TMEM117: variants seen among roughly 807,000 people sequenced by gnomAD.
TMEM117 encodes the protein transmembrane protein 117.
TMEM117 carries 27 observed loss-of-function variants against 52.4 expected under a neutral mutation model. That is an observed-to-expected ratio of 0.51 (90% CI 0.38 to 0.71). The LOEUF is 0.71. Among genes scored for constraint, TMEM117 ranks in the 30% least tolerant of loss-of-function variants. The pLI is 0.00. For synonymous variants in TMEM117, 215 were observed against 206.3 expected (o/e 1.04, Z -0.36); for missense variants, 556 against 630.5 (o/e 0.88, Z 1.26).
chr12:43,973,000 C>A (rs1162431074), intron 3 of TMEM117, among the ~76,000 whole-genome samples: 1 of 152,164 alleles, frequency 6.6e-6, no homozygotes, highest in African/African-American at 2.4e-5. Flanking sequence ...ATATTTCCTA[C>A]CTAGTTGTTA....
At chr12:43,814,446 T>C in the TMEM117 span, among the ~76,000 whole-genome samples, 1 of 152,164 alleles carries the variant, frequency 6.6e-6, no homozygotes, top group Admixed American at 6.6e-5. Context: ...CTAGATGTTA[T>C]CTCACCTAAC....
intron 6 of TMEM117, among the ~76,000 whole-genome samples, chr12:44,317,066 A>G (rs1198587243): frequency 7.0e-6 from 1 of 142,962 alleles, no homozygotes; most frequent in African/African-American, 2.6e-5. Flanking sequence ...TTGCAATCCA[A>G]GCTTTGCATT....
intron 6 of TMEM117, among the ~76,000 whole-genome samples, chr12:44,311,686 A>T (rs1472506171): frequency 1.3e-5 from 2 of 148,968 alleles, no homozygotes; most frequent in Non-Finnish European, 3.0e-5. Flanking sequence ...ATCCAGCTTC[A>T]GCTTCCCAAT....
chr12:44,176,569 A>AT (rs1407620830), intron 4 of TMEM117, among the ~76,000 whole-genome samples: 1 of 152,076 alleles, frequency 6.6e-6, no homozygotes, highest in Non-Finnish European at 1.5e-5. Flanking sequence ...CCAGATAACT[A>AT]TTTTTTTGCC....
intron 3 of TMEM117, among the ~76,000 whole-genome samples, chr12:44,091,562 G>A (rs754643828): frequency 7.9e-5 from 12 of 152,110 alleles, no homozygotes; most frequent in Non-Finnish European, 1.5e-4. Context: ...TATTTACAGC[G>A]TGCCACTAAG....
At chr12:44,045,566 G>A (rs73089739) in intron 3 of TMEM117, among the ~76,000 whole-genome samples, 14,286 of 152,100 alleles carry the variant, frequency 0.094, 1,086 homozygotes, top group African/African-American at 0.2. Context: ...AGCAGTGGCC[G>A]GGCACAGTGA....
chr12:43,948,391 T>G (rs1244283031), intron 3 of TMEM117, among the ~76,000 whole-genome samples: 1 of 151,946 alleles, frequency 6.6e-6, no homozygotes, highest in African/African-American at 2.4e-5. Context: ...CTGCAAGCTC[T>G]GCCTCCTGGG....
chr12:44,332,712 TACACACACACACAC>T (rs34633299), intron 6 of TMEM117, among the ~76,000 whole-genome samples: 1,888 of 143,232 alleles, frequency 0.013, 24 homozygotes, highest in South Asian at 0.049. Context: ...CTACTGTTAC[TACACACACACACAC>T]ACACACACAC....
At chr12:43,917,693 C>G (rs1331061354) in intron 2 of TMEM117, among the ~76,000 whole-genome samples, 1 of 152,070 alleles carries the variant, frequency 6.6e-6, no homozygotes, top group African/African-American at 2.4e-5. Flanking sequence ...ATAATTCTTA[C>G]CTGAATTTTC....
At chr12:44,103,152 T>G (rs1947892187) in intron 3 of TMEM117, among the ~76,000 whole-genome samples, 1 of 152,000 alleles carries the variant, frequency 6.6e-6, no homozygotes, top group Non-Finnish European at 1.5e-5. Context: ...GAGAGAGGCA[T>G]TTTTATGATC....
intron 4 of TMEM117, among the ~76,000 whole-genome samples, chr12:44,206,120 T>C (rs551545531): frequency 6.6e-6 from 1 of 152,200 alleles, no homozygotes; most frequent in Non-Finnish European, 1.5e-5. Context: ...ATTTTATTAT[T>C]TTTTTATTAT....
At chr12:44,204,423 A>T (rs900066015) in intron 4 of TMEM117, among the ~76,000 whole-genome samples, 1 of 152,204 alleles carries the variant, frequency 6.6e-6, no homozygotes, top group Admixed American at 6.5e-5. Context: ...CAGAGATGAC[A>T]CAAATGAATA....
intron 4 of TMEM117, among the ~76,000 whole-genome samples, chr12:44,193,085 C>A (rs1949375834): frequency 2.0e-5 from 3 of 152,036 alleles, no homozygotes; most frequent in Admixed American, 2.0e-4. Flanking sequence ...TATCTGTATT[C>A]TTTCTATAAT....
chr12:44,081,685 G>C (rs1213000506), intron 3 of TMEM117, among the ~76,000 whole-genome samples: 2 of 152,014 alleles, frequency 1.3e-5, no homozygotes, highest in African/African-American at 2.4e-5. Context: ...TAAAGTTAAT[G>C]ACTTCTTTGG....
At chr12:44,240,630 G>A (rs1351304224) in intron 5 of TMEM117, among the ~76,000 whole-genome samples, 2 of 151,994 alleles carry the variant, frequency 1.3e-5, no homozygotes, top group Non-Finnish European at 2.9e-5. Flanking sequence ...ATATGTTTAT[G>A]TTAATGCTTT....
At chr12:44,322,573 A>G (rs1592692799) in intron 6 of TMEM117, among the ~76,000 whole-genome samples, 1 of 152,168 alleles carries the variant, frequency 6.6e-6, no homozygotes, top group Non-Finnish European at 1.5e-5. Flanking sequence ...CATCACCACT[A>G]CATTTCAGGA....
chr12:44,289,089 C>G (rs1950670545), intron 5 of TMEM117, among the ~76,000 whole-genome samples: 1 of 152,128 alleles, frequency 6.6e-6, no homozygotes, highest in Non-Finnish European at 1.5e-5. Flanking sequence ...TTTCAGATAT[C>G]ACATGTAAGT....
intron 5 of TMEM117, among the ~76,000 whole-genome samples, chr12:44,250,332 G>A (rs1950181772): frequency 6.6e-6 from 1 of 152,096 alleles, no homozygotes; most frequent in African/African-American, 2.4e-5. Context: ...AAAAAGTCAG[G>A]AAACGGTAGA....
the TMEM117 span, chr12:43,797,177 A>G: frequency 4.7e-6 from 7 of 1,488,564 alleles, no homozygotes; most frequent in South Asian, 8.9e-5. Context: ...AACTTCATAA[A>G]AACAAGTACA....
Sources: allele counts gnomAD v4.1 joint callset (sites outside exome capture counted in the v4.1 genomes callset), GRCh38; gene constraint gnomAD v4.1.1; transcripts MANE v1.5; gene names NCBI Gene and HGNC (gene_info 2026-07-23, HGNC 2026-07-21).